TUG1: variants seen among roughly 807,000 people sequenced by gnomAD.
TUG1 encodes taurine upregulated gene 1.
At chr22:30,970,592 G>C (rs1004042667) in exon 1 of TUG1, 1 of 152,176 alleles carries the variant, frequency 6.6e-6, no homozygotes, top group Non-Finnish European at 1.5e-5. Context: ...TCTGTTATCT[G>C]CTGCTTGTAC....
At chr22:30,969,803 C>G (rs947609713) in exon 1 of TUG1, 1 of 152,228 alleles carries the variant, frequency 6.6e-6, no homozygotes, top group Non-Finnish European at 1.5e-5. Flanking sequence ...GCCTTTTCCT[C>G]CTTATGCCGC....
exon 1 of TUG1, chr22:30,970,517 TAGG>T (rs1413709045): frequency 6.6e-6 from 1 of 152,182 alleles, no homozygotes; most frequent in Non-Finnish European, 1.5e-5. Flanking sequence ...CAGCTACAAT[TAGG>T]AGTGGATGTG....
intron 1 of TUG1, chr22:30,972,169 CTCAG>C (rs771243158): frequency 3.3e-5 from 5 of 152,180 alleles, no homozygotes; most frequent in Non-Finnish European, 5.9e-5. Flanking sequence ...AGAATAACCA[CTCAG>C]TAAGTGTTTT....
At chr22:30,975,848 G>A (rs935007675) in exon 3 of TUG1, 1 of 152,094 alleles carries the variant, frequency 6.6e-6, no homozygotes, top group Admixed American at 6.6e-5. Flanking sequence ...TTGACCTCTT[G>A]TTATCAGCCA....
exon 3 of TUG1, chr22:30,977,337 G>A (rs1014600242): frequency 2.6e-5 from 4 of 152,058 alleles, no homozygotes; most frequent in Admixed American, 2.6e-4. Context: ...AAAAGATGAC[G>A]ACTTGATTAC....
At chr22:30,969,275 G>C (rs948079676) in exon 1 of TUG1, 2 of 152,434 alleles carry the variant, frequency 1.3e-5, no homozygotes, top group African/African-American at 4.8e-5. Flanking sequence ...GAGCGACGCA[G>C]CCGGGACGGT....
At chr22:30,971,259 C>T (rs1220148758) in exon 1 of TUG1, 1 of 152,086 alleles carries the variant, frequency 6.6e-6, no homozygotes, top group Non-Finnish European at 1.5e-5. Context: ...AGGGCAGAGA[C>T]AGATAATCTC....
At chr22:30,974,432 A>G (rs946728701) in intron 2 of TUG1, 2 of 152,018 alleles carry the variant, frequency 1.3e-5, no homozygotes, top group South Asian at 4.1e-4. Context: ...ACACAGAAGG[A>G]TATTTTTTTG....
At chr22:30,977,443 T>G (rs1308263829) in exon 3 of TUG1, 2 of 152,216 alleles carry the variant, frequency 1.3e-5, no homozygotes, top group East Asian at 3.8e-4. Flanking sequence ...CAAGTCTGAT[T>G]GAGGATAAGG....
chr22:30,974,822 G>A (rs754612877), intron 2 of TUG1: 14 of 152,208 alleles, frequency 9.2e-5, no homozygotes, highest in Non-Finnish European at 8.8e-5. Context: ...AGGTTGGGAA[G>A]GGGAGAAAAG....
At chr22:30,972,124 T>G (rs1331164881) in intron 1 of TUG1, 1 of 152,184 alleles carries the variant, frequency 6.6e-6, no homozygotes, top group Non-Finnish European at 1.5e-5. Context: ...CAAGATGCAT[T>G]TATTAGGAAG....
At chr22:30,977,280 G>A (rs2041299525) in exon 3 of TUG1, 1 of 152,100 alleles carries the variant, frequency 6.6e-6, no homozygotes, top group Non-Finnish European at 1.5e-5. Context: ...ACCAATCTGA[G>A]GCCTTGACTT....
At chr22:30,971,982 T>G (rs975262820) in intron 1 of TUG1, 1 of 152,278 alleles carries the variant, frequency 6.6e-6, no homozygotes, top group Non-Finnish European at 1.5e-5. Context: ...CATTTCGTTA[T>G]GTATCCTCTA....
exon 3 of TUG1, chr22:30,976,844 A>G (rs1451930172): frequency 1.3e-5 from 2 of 152,224 alleles, no homozygotes; most frequent in Non-Finnish European, 2.9e-5. Context: ...TTGTGATTAC[A>G]TGACTCGACT....
chr22:30,978,006 A>G (rs1190560590), exon 3 of TUG1: 1 of 152,134 alleles, frequency 6.6e-6, no homozygotes, highest in African/African-American at 2.4e-5. Context: ...AGCCGCGTCC[A>G]TTTCTCTCCT....
At chr22:30,977,968 G>A (rs2041308661) in exon 3 of TUG1, 2 of 152,018 alleles carry the variant, frequency 1.3e-5, no homozygotes, top group Non-Finnish European at 2.9e-5. Context: ...CTCATCTATC[G>A]GGTCTGGAAG....
At chr22:30,970,934 T>G (rs2041222816) in exon 1 of TUG1, 1 of 152,232 alleles carries the variant, frequency 6.6e-6, no homozygotes, top group African/African-American at 2.4e-5. Context: ...GCTAAACTTT[T>G]TCCTTGGCCC....
exon 1 of TUG1, chr22:30,969,774 G>C (rs900011206): frequency 6.6e-6 from 1 of 152,362 alleles, no homozygotes; most frequent in Non-Finnish European, 1.5e-5. Context: ...AGGATGGTTG[G>C]TTGTGGGATT....
chr22:30,971,434 G>A (rs1435862317), exon 1 of TUG1: 1 of 152,596 alleles, frequency 6.6e-6, no homozygotes, highest in African/African-American at 2.4e-5. Context: ...GAAATTCTGT[G>A]GCAAAACATG....
Sources: allele counts gnomAD v4.1 joint callset, GRCh38; gene constraint gnomAD v4.1.1; transcripts MANE v1.5; gene names NCBI Gene and HGNC (gene_info 2026-07-23, HGNC 2026-07-21).